Variants in HMGCL observed in about 807,000 individuals in gnomAD.
HMGCL encodes 3-hydroxy-3-methylglutaryl-CoA lyase, also known as hydroxymethylglutaryl-CoA lyase, mitochondrial.
A neutral mutation model predicts 37.3 loss-of-function variants in HMGCL; 26 were observed. The ratio of observed to expected loss-of-function variants is 0.70; its 90% confidence interval spans 0.51 to 0.97. The LOEUF is 0.97. Among genes scored for constraint, HMGCL ranks in the 50% least tolerant of loss-of-function variants. The probability of loss-of-function intolerance (pLI) is 0.00; values close to 1 mark genes in which losing one functional copy is unlikely to be tolerated. For synonymous variants in HMGCL, 151 were observed against 148.0 expected (o/e 1.02, Z -0.15); for missense variants, 379 against 398.1 (o/e 0.95, Z 0.41).
intron 1 of HMGCL, among the ~76,000 whole-genome samples, chr1:23,824,033 C>T (rs747134414): frequency 6.6e-6 from 1 of 152,172 alleles, no homozygotes; most frequent in African/African-American, 2.4e-5. Flanking sequence ...TCTTTACCAC[C>T]GTTCGTTCGG....
intron 1 of HMGCL, among the ~76,000 whole-genome samples, chr1:23,823,184 A>C (rs1570656585): frequency 6.6e-6 from 1 of 150,890 alleles, no homozygotes; most frequent in African/African-American, 2.4e-5. Context: ...CATCTCAAAA[A>C]AAAAAAAAAA....
Position 23,814,217 on chromosome 1 carries a change from G to C in HMGCL, c.470C>G (p.Ala157Gly). The change falls in exon 5 of 9, where the codon GCG (alanine) becomes GGG (glycine). Residue 157 changes from alanine to glycine, a missense_variant. Coordinates refer to ENST00000374490, the MANE Select transcript of HMGCL (RefSeq NM_000191.3). ...CCGCACAGAAATATTGGCTGACTGCGCTGCCTTCAGGATTGCGTCAAACCT... is the reference window on the plus strand; with the variant it reads ...CCGCACAGAAATATTGGCTGACTGCCCTGCCTTCAGGATTGCGTCAAACCT... ...FQRFDAILKA[A>G]QSANISVRGY... is the part of the protein sequence containing the mutation. 1 of 1,613,916 alleles carries C rather than the reference G, an allele frequency of 6.2e-7. No homozygotes were observed. The highest frequency in any genetic ancestry group is 8.5e-7 in the Non-Finnish European group (1 of 1,179,996).
Position 23,817,587 on chromosome 1 carries a change from T to C in HMGCL, c.145-4A>G, listed in dbSNP as rs963436984. 2.5e-5 allele frequency: 40 copies of C among 1,577,114 alleles called. No homozygotes were observed. The highest frequency in any genetic ancestry group is 3.1e-5 in the Non-Finnish European group (36 of 1,146,898). ...TCACTGGAGTAGATACGATATTCTATAGTGGAGAGAGAAACACCAAGGCAG... is the reference window on the plus strand; with the variant it reads ...TCACTGGAGTAGATACGATATTCTACAGTGGAGAGAGAAACACCAAGGCAG... On this transcript the variant is annotated splice_region_variant and splice_polypyrimidine_tract_variant and intron_variant, in intron 2 of 8. Transcript: ENST00000374490.
At chr1:23,816,478 C>A in intron 4 of HMGCL, 197 bp downstream of exon 4, 2 of 669,550 alleles carry the variant, frequency 3.0e-6, no homozygotes, top group Admixed American at 2.2e-5. Context: ...TATCATTTAG[C>A]CCTATTTTAT....
intron 1 of HMGCL, among the ~76,000 whole-genome samples, chr1:23,822,018 A>G (rs1638731459): frequency 6.6e-6 from 1 of 152,054 alleles, no homozygotes; most frequent in Non-Finnish European, 1.5e-5. Flanking sequence ...TGCCTACTCA[A>G]TGTCTCTTCC....
chr1:23,821,988 C>T (rs754530565), intron 1 of HMGCL, among the ~76,000 whole-genome samples: 4 of 152,184 alleles, frequency 2.6e-5, no homozygotes, highest in Admixed American at 2.0e-4. Flanking sequence ...TAATTATTTC[C>T]TTCAAAGCAC....
rs904838403 is a variant in HMGCL at position 23,802,066 on chromosome 1, C to G, written c.*397G>C. On this transcript the variant is annotated 3_prime_UTR_variant, in exon 9 of 9. Coordinates refer to ENST00000374490, the MANE Select transcript of HMGCL (RefSeq NM_000191.3). ...ACCTGTGTCCTGAGAAGTCAGAGAG[C>G]AAGGGCCCCACGGCCATGGCAGGGT... 4.1e-6 allele frequency: 2 copies of G among 482,604 alleles called. No homozygotes were observed. The highest frequency in any genetic ancestry group is 7.3e-6 in the Non-Finnish European group (2 of 274,656). The allele number at this position is 482,604 out of a possible 1,614,324, so 29.9% of individuals were successfully genotyped here. A position where few individuals can be genotyped will look rare whatever the true frequency, so the allele number is the denominator to read the frequency against.
chr1:23,818,276 T>C (rs1278082040), intron 2 of HMGCL, among the ~76,000 whole-genome samples: 1 of 152,138 alleles, frequency 6.6e-6, no homozygotes, highest in Non-Finnish European at 1.5e-5. Flanking sequence ...CTGGGCAACA[T>C]GGCGAAACCC....
chr1:23,819,327 C>T (rs1638670805), intron 2 of HMGCL, among the ~76,000 whole-genome samples: 1 of 152,224 alleles, frequency 6.6e-6, no homozygotes, highest in African/African-American at 2.4e-5. Context: ...TGGAAAAGCT[C>T]AGGTCCAGAA....
chr1:23,810,723 C>A lies in HMGCL; in HGVS notation c.561+13G>T. On this transcript the variant is annotated intron_variant, in intron 6 of 8. Coordinates refer to ENST00000374490, the MANE Select transcript of HMGCL (RefSeq NM_000191.3). ...ACCCTCACCAAACCCCCCGCCCTGA[C>A]ACATGCACACACCTCAGCTACTTTA... 6.2e-7 allele frequency: 1 copy of A among 1,613,636 alleles called. No individual in the cohort carries two copies. Among genetic ancestry groups the A allele is most frequent in the Non-Finnish European group, 8.5e-7 (1 of 1,179,620 alleles).
chr1:23,805,582 C>G (rs1004994796), intron 7 of HMGCL, among the ~76,000 whole-genome samples: 1 of 152,164 alleles, frequency 6.6e-6, no homozygotes, highest in African/African-American at 2.4e-5. Context: ...TCTTGGACAC[C>G]TTCTCCATGT....
Position 23,813,372 on chromosome 1 carries a change from T to G in HMGCL, c.497+818A>C, listed in dbSNP as rs948972185. On this transcript the variant is annotated intron_variant, in intron 5 of 8. Coordinates refer to ENST00000374490, the MANE Select transcript of HMGCL (RefSeq NM_000191.3). Reference sequence around the variant, plus strand: ...GCCTCAGCCTCCCAAGTAGATGGAATTACAGCTAATTTTTGTATTTTTAGT... The same window carrying G: ...GCCTCAGCCTCCCAAGTAGATGGAAGTACAGCTAATTTTTGTATTTTTAGT... Among the ~76,000 whole-genome samples the G allele has an allele frequency of 3.3e-5, 5 of 151,476 alleles. No homozygotes were observed. The South Asian group carries it at 1.0e-3, about 32-fold the overall frequency.
intron 6 of HMGCL, chr1:23,810,445 G>T: frequency 2.4e-6 from 1 of 420,632 alleles, no homozygotes; most frequent in South Asian, 2.1e-5. Context: ...GAACTCCTGG[G>T]TAAGGAGCCC....
At chr1:23,809,240 T>TATATATATATATATA (rs56844404) in intron 6 of HMGCL, 3 of 82,542 alleles carry the variant, frequency 3.6e-5, no homozygotes, top group African/African-American at 1.6e-4. Flanking sequence ...ATATATATAT[T>TATATATATATATATA]TTTTTTTTTT....
In HMGCL at chr1:23,810,725, C is replaced by A; in HGVS notation, c.561+11G>T. 6.2e-7 allele frequency: 1 copy of A among 1,613,672 alleles called. No homozygotes were observed. The highest frequency in any genetic ancestry group is 8.5e-7 in the Non-Finnish European group (1 of 1,179,636). On this transcript the variant is annotated intron_variant, in intron 6 of 8. Coordinates refer to ENST00000374490, the MANE Select transcript of HMGCL (RefSeq NM_000191.3). ...CCTCACCAAACCCCCCGCCCTGACA[C>A]ATGCACACACCTCAGCTACTTTAGC...
At chr1:23,812,059 G>A (rs999036771) in intron 5 of HMGCL, among the ~76,000 whole-genome samples, 10 of 152,172 alleles carry the variant, frequency 6.6e-5, no homozygotes, top group Non-Finnish European at 8.8e-5. Flanking sequence ...CCACCTGCCC[G>A]TCAGTGACTG....
At chr1:23,802,752 C>T (rs1337513826) in intron 8 of HMGCL, among the ~76,000 whole-genome samples, 188 bp from the exon 9 acceptor site, 2 of 152,208 alleles carry the variant, frequency 1.3e-5, no homozygotes, top group African/African-American at 4.8e-5. Flanking sequence ...ATTCCTCTGA[C>T]TCCCCCTCAT....
intron 5 of HMGCL, among the ~76,000 whole-genome samples, chr1:23,812,475 G>A (rs1320044212): frequency 6.6e-6 from 1 of 152,132 alleles, no homozygotes; most frequent in Admixed American, 6.5e-5. Flanking sequence ...TCCCACCTTA[G>A]CCTCCTGAGT....
At chr1:23,807,195 T>C (rs561651085) in intron 7 of HMGCL, 3 of 518,952 alleles carry the variant, frequency 5.8e-6, no homozygotes, top group East Asian at 5.4e-5. Flanking sequence ...TGGCAAGGCA[T>C]AGGAGAGGAA....
Sources: allele counts gnomAD v4.1 joint callset (sites outside exome capture counted in the v4.1 genomes callset), GRCh38; gene constraint gnomAD v4.1.1; transcripts MANE v1.5; gene names NCBI Gene and HGNC (gene_info 2026-07-23, HGNC 2026-07-21).